The following CDKAL1 variants were observed in gnomAD, a reference collection of about 807,000 sequenced individuals.
CDKAL1 encodes CDKAL1 threonylcarbamoyladenosine tRNA methylthiotransferase.
Under a neutral mutation model 68.2 loss-of-function variants are expected in CDKAL1, and 32 were observed. The ratio of observed to expected loss-of-function variants is 0.47; its 90% CI spans 0.35 to 0.63. The LOEUF is 0.63. CDKAL1 is among the 30% of genes least tolerant of loss of function. The pLI, the probability that CDKAL1 is intolerant of heterozygous loss-of-function variation, is 0.00. For synonymous variants in CDKAL1, 234 were observed against 244.3 expected, an observed-to-expected ratio of 0.96 and a Z score of 0.39; for missense variants, 606 against 696.7, an observed-to-expected ratio of 0.87 and a Z score of 1.47.
chr6:21,061,395 A>G (rs181211043), intron 11 of CDKAL1, among the ~76,000 whole-genome samples: 96 of 152,266 alleles, frequency 6.3e-4, no homozygotes, highest in Non-Finnish European at 1.0e-3. Context: ...GTATGAAAAC[A>G]TACATAAAGT....
chr6:20,727,897 A>G (rs1362388123), intron 5 of CDKAL1, among the ~76,000 whole-genome samples: 1 of 152,218 alleles, frequency 6.6e-6, no homozygotes, highest in Non-Finnish European at 1.5e-5. Flanking sequence ...AACTCAGAAC[A>G]TTAATTTTCT....
chr6:20,895,306 A>G (rs1214640276), intron 9 of CDKAL1, among the ~76,000 whole-genome samples: 1 of 152,222 alleles, frequency 6.6e-6, no homozygotes, highest in Non-Finnish European at 1.5e-5. Context: ...ATGCAATTGT[A>G]ATGAACATTT....
chr6:20,566,694 C>T (rs1018373117), intron 4 of CDKAL1, among the ~76,000 whole-genome samples: 1 of 152,074 alleles, frequency 6.6e-6, no homozygotes, highest in Non-Finnish European at 1.5e-5. Context: ...CTAGACATCA[C>T]TGGCAGTTTT....
At chr6:21,123,441 G>A (rs139936895) in intron 13 of CDKAL1, among the ~76,000 whole-genome samples, 100 of 152,250 alleles carry the variant, frequency 6.6e-4, no homozygotes, top group East Asian at 2.3e-3. Flanking sequence ...GGGCAACAGA[G>A]CGAAACTCCA....
chr6:21,008,075 C>G (rs948538271), intron 11 of CDKAL1, among the ~76,000 whole-genome samples: 1 of 152,020 alleles, frequency 6.6e-6, no homozygotes, highest in Non-Finnish European at 1.5e-5. Flanking sequence ...ATAGTTAACC[C>G]AGATAGGGAA....
At chr6:20,884,386 C>G (rs572063669) in intron 9 of CDKAL1, among the ~76,000 whole-genome samples, 1 of 152,312 alleles carries the variant, frequency 6.6e-6, no homozygotes, top group African/African-American at 2.4e-5. Context: ...GAAAAACTCA[C>G]GATTAGCATC....
At chr6:20,568,142 G>T (rs1370951942) in intron 4 of CDKAL1, among the ~76,000 whole-genome samples, 1 of 152,006 alleles carries the variant, frequency 6.6e-6, no homozygotes, top group Non-Finnish European at 1.5e-5. Flanking sequence ...CTCCCAAAGC[G>T]CTGGGATTAC....
chr6:20,844,302 C>A (rs1420629873), intron 8 of CDKAL1, among the ~76,000 whole-genome samples: 1 of 152,078 alleles, frequency 6.6e-6, no homozygotes, highest in Non-Finnish European at 1.5e-5. Context: ...TAGTTTAAAT[C>A]TCATGTCAGA....
At chr6:20,660,372 T>C (rs1049311222) in intron 5 of CDKAL1, among the ~76,000 whole-genome samples, 1 of 152,202 alleles carries the variant, frequency 6.6e-6, no homozygotes, top group Non-Finnish European at 1.5e-5. Context: ...ATATCATTAA[T>C]AGACAAAGAC....
chr6:21,067,041 C>T (rs1338355060), intron 12 of CDKAL1, among the ~76,000 whole-genome samples: 1 of 152,106 alleles, frequency 6.6e-6, no homozygotes, highest in African/African-American at 2.4e-5. Context: ...TTAAACTTTA[C>T]TTCTTCTTTG....
chr6:21,204,290 AC>A (rs976049590), intron 15 of CDKAL1, among the ~76,000 whole-genome samples: 2 of 152,118 alleles, frequency 1.3e-5, no homozygotes, highest in Non-Finnish European at 2.9e-5. Context: ...CCTATTACCC[AC>A]CCTTAGCAGT....
intron 11 of CDKAL1, among the ~76,000 whole-genome samples, chr6:21,001,837 CTTCT>C (rs560896107): frequency 7.6e-4 from 115 of 152,264 alleles, no homozygotes; most frequent in African/African-American, 2.7e-3. Context: ...AAATTTCTTC[CTTCT>C]TTGCCTATTA....
chr6:20,597,272 G>A (rs990899762), intron 4 of CDKAL1, among the ~76,000 whole-genome samples: 1 of 152,004 alleles, frequency 6.6e-6, no homozygotes, highest in African/African-American at 2.4e-5. Flanking sequence ...GGGACTACAG[G>A]CGCCTGCCAC....
intron 5 of CDKAL1, among the ~76,000 whole-genome samples, chr6:20,668,690 A>G (rs1360210351): frequency 6.6e-6 from 1 of 152,236 alleles, no homozygotes; most frequent in Non-Finnish European, 1.5e-5. Flanking sequence ...TGATCAAACC[A>G]GAGAATTAAT....
At chr6:20,736,530 G>C (rs546735528) in intron 5 of CDKAL1, among the ~76,000 whole-genome samples, 19 of 152,246 alleles carry the variant, frequency 1.2e-4, no homozygotes, top group African/African-American at 4.6e-4. Context: ...CAGCACTTTG[G>C]GAGGCCGAGG....
At chr6:20,675,843 G>A (rs933685961) in intron 5 of CDKAL1, among the ~76,000 whole-genome samples, 2 of 152,040 alleles carry the variant, frequency 1.3e-5, no homozygotes, top group African/African-American at 4.8e-5. Flanking sequence ...CTTCAGGAGG[G>A]ATTCCAGAGG....
intron 11 of CDKAL1, among the ~76,000 whole-genome samples, chr6:21,003,234 A>G (rs1767522711): frequency 6.7e-6 from 1 of 148,850 alleles, no homozygotes; most frequent in African/African-American, 2.5e-5. Flanking sequence ...GACTAGGCAC[A>G]GTGGCTCACA....
At chr6:20,704,607 A>G (rs1347190032) in intron 5 of CDKAL1, among the ~76,000 whole-genome samples, 1 of 152,166 alleles carries the variant, frequency 6.6e-6, no homozygotes, top group Non-Finnish European at 1.5e-5. Context: ...AGCTTTGAAT[A>G]TGTATCAGAG....
intron 4 of CDKAL1, among the ~76,000 whole-genome samples, chr6:20,553,402 G>C (rs994016131): frequency 6.6e-6 from 1 of 151,860 alleles, no homozygotes; most frequent in African/African-American, 2.4e-5. Context: ...CCAGCTACTC[G>C]GGAGGCTGAG....
Sources: allele counts gnomAD v4.1 joint callset (sites outside exome capture counted in the v4.1 genomes callset), GRCh38; gene constraint gnomAD v4.1.1; transcripts MANE v1.5; gene names NCBI Gene and HGNC (gene_info 2026-07-23, HGNC 2026-07-21).